Variants in PHF24 observed in about 807,000 individuals in gnomAD.
PHF24 encodes the protein PHD finger protein 24.
In PHF24, 25 loss-of-function variants were observed where a neutral mutation model predicts 42.6. That is an observed-to-expected ratio of 0.59 (90% CI 0.43 to 0.82). The LOEUF is 0.82. PHF24 is among the 40% of genes least tolerant of loss of function. The pLI is 0.00. For synonymous variants in PHF24, 185 were observed against 204.8 expected (o/e 0.90, Z 0.83); for missense variants, 470 against 538.1 (o/e 0.87, Z 1.25).
chr9:34,689,096 G>A, the PHF24 span, among the ~76,000 whole-genome samples: 1 of 152,322 alleles, frequency 6.6e-6, no homozygotes, highest in East Asian at 1.9e-4. This position sits in a 1 kb window ranked among gnomAD's most constrained non-coding sequence, Gnocchi z 4.1. Context: ...AAGGGCATGG[G>A]TGGATGGGTA....
At chr9:34,819,740 G>C in the PHF24 span, among the ~76,000 whole-genome samples, 1 of 152,136 alleles carries the variant, frequency 6.6e-6, no homozygotes, top group South Asian at 2.1e-4. Flanking sequence ...GATGCTAACT[G>C]TTCTGTGTGT....
chr9:34,733,206 G>A, the PHF24 span, among the ~76,000 whole-genome samples: 33 of 152,042 alleles, frequency 2.2e-4, no homozygotes, highest in Admixed American at 2.6e-4. Context: ...GATCTTTGTC[G>A]ATATGAGAAG....
At chr9:34,870,597 G>A in the PHF24 span, among the ~76,000 whole-genome samples, 5 of 141,502 alleles carry the variant, frequency 3.5e-5, no homozygotes, top group East Asian at 1.1e-3. Context: ...TTTGAGACAG[G>A]GTCTCATCCA....
At chr9:34,893,514 T>A in the PHF24 span, among the ~76,000 whole-genome samples, 51 of 149,852 alleles carry the variant, frequency 3.4e-4, no homozygotes, top group African/African-American at 1.2e-3. Context: ...GGTAGGAGAG[T>A]CCCTTGAACC....
chr9:34,708,840 C>G, the PHF24 span, among the ~76,000 whole-genome samples: 3 of 152,184 alleles, frequency 2.0e-5, no homozygotes, highest in Non-Finnish European at 4.4e-5. Flanking sequence ...TGTCCTTCAG[C>G]CTCCCTTTAA....
the PHF24 span, among the ~76,000 whole-genome samples, chr9:34,702,709 A>T: frequency 1.3e-5 from 2 of 152,084 alleles, no homozygotes; most frequent in African/African-American, 4.8e-5. Context: ...CTTTGGGAGG[A>T]TGAGGCTGGA....
At chr9:34,845,069 A>G in the PHF24 span, among the ~76,000 whole-genome samples, 1 of 152,190 alleles carries the variant, frequency 6.6e-6, no homozygotes, top group Non-Finnish European at 1.5e-5. Context: ...CCTCTCCATC[A>G]TTATATAATG....
At chr9:34,805,498 A>T in the PHF24 span, among the ~76,000 whole-genome samples, 1 of 152,210 alleles carries the variant, frequency 6.6e-6, no homozygotes, top group Non-Finnish European at 1.5e-5. Flanking sequence ...GGCTATTTGT[A>T]TAACTTATTT....
the PHF24 span, among the ~76,000 whole-genome samples, chr9:34,921,177 G>GTT: frequency 2.2e-4 from 32 of 147,578 alleles, no homozygotes; most frequent in South Asian, 8.5e-4. Flanking sequence ...ATACCCAGTT[G>GTT]TTTTTTTTTT....
exon 8 of PHF24, chr9:34,978,099 G>A (rs1407393207): frequency 6.2e-7 from 1 of 1,613,600 alleles, no homozygotes; most frequent in African/African-American, 1.3e-5. Context: ...TTCACCTGAA[G>A]CCCCCAGGAT....
chr9:34,826,964 A>G, the PHF24 span, among the ~76,000 whole-genome samples: 1 of 152,184 alleles, frequency 6.6e-6, no homozygotes, highest in Admixed American at 6.5e-5. Context: ...TCAGCATTCC[A>G]CATAAGTCAT....
chr9:34,912,681 G>A, the PHF24 span, among the ~76,000 whole-genome samples: 3 of 152,320 alleles, frequency 2.0e-5, no homozygotes, highest in African/African-American at 7.2e-5. Context: ...CACAGAAAGT[G>A]ACAGAACTTT....
the PHF24 span, among the ~76,000 whole-genome samples, chr9:34,931,338 T>C: frequency 7.6e-6 from 1 of 132,380 alleles, no homozygotes; most frequent in Non-Finnish European, 1.5e-5. Context: ...ATAGTGCCAC[T>C]GTACTCCAGC....
the PHF24 span, among the ~76,000 whole-genome samples, chr9:34,897,985 C>T: frequency 1.2e-4 from 18 of 152,262 alleles, no homozygotes; most frequent in East Asian, 1.5e-3. Flanking sequence ...TCATCCAGGT[C>T]GCTGCAAATG....
chr9:34,752,830 C>A, the PHF24 span, among the ~76,000 whole-genome samples: 1 of 152,066 alleles, frequency 6.6e-6, no homozygotes, highest in East Asian at 1.9e-4. Flanking sequence ...TTGAAAAGAT[C>A]ATTCATCATG....
chr9:34,756,352 G>A, the PHF24 span, among the ~76,000 whole-genome samples: 1 of 152,156 alleles, frequency 6.6e-6, no homozygotes, highest in African/African-American at 2.4e-5. Context: ...AACCACCTTG[G>A]CCTCCCGAAG....
chr9:34,825,586 C>T, the PHF24 span, among the ~76,000 whole-genome samples: 2 of 151,830 alleles, frequency 1.3e-5, no homozygotes, highest in Non-Finnish European at 2.9e-5. Flanking sequence ...ACTGTTTGCT[C>T]GAGCATGTCT....
the PHF24 span, among the ~76,000 whole-genome samples, chr9:34,694,268 C>T: frequency 7.3e-6 from 1 of 137,718 alleles, no homozygotes; most frequent in Non-Finnish European, 1.5e-5. Context: ...CTCCTATGTT[C>T]AAGTAATTCT....
At chr9:34,981,597 C>T (rs1827391687) in exon 8 of PHF24, 2 of 152,178 alleles carry the variant, frequency 1.3e-5, no homozygotes, top group Admixed American at 1.3e-4. Flanking sequence ...AAAGCATGTT[C>T]CCTTCAGACC....
Sources: gnomAD v4.1 joint callset for allele counts (sites outside exome capture counted in the v4.1 genomes callset) on GRCh38, gnomAD v4.1.1 for gene constraint, Gnocchi (gnomAD v3.1) non-coding constraint, MANE v1.5 for transcripts, NCBI Gene and HGNC (gene_info 2026-07-23, HGNC 2026-07-21) for gene names.